CACNA2D3: variants seen among roughly 807,000 people sequenced by gnomAD.
CACNA2D3 encodes calcium voltage-gated channel auxiliary subunit alpha2delta 3.
A neutral mutation model predicts 160.6 loss-of-function variants in CACNA2D3; 60 were observed. That is an observed-to-expected ratio of 0.37 (90% CI 0.30 to 0.46). The LOEUF is 0.46. CACNA2D3 is among the 20% of genes least tolerant of loss of function. The pLI is 1.00. For missense variants in CACNA2D3, 1,205 were observed against 1,365.0 expected, an observed-to-expected ratio of 0.88 and a Z score of 1.85; for synonymous variants, 558 against 492.9, an observed-to-expected ratio of 1.13 and a Z score of -1.75.
intron 2 of CACNA2D3, among the ~76,000 whole-genome samples, chr3:54,270,914 T>C (rs1463171163): frequency 6.6e-6 from 1 of 152,214 alleles, no homozygotes; most frequent in East Asian, 1.9e-4. Flanking sequence ...ATTTCCCTTT[T>C]TGTCACCCGT....
chr3:54,274,650 C>G (rs188636381), intron 2 of CACNA2D3, among the ~76,000 whole-genome samples: 4 of 152,338 alleles, frequency 2.6e-5, no homozygotes, highest in Admixed American at 1.3e-4. Flanking sequence ...GAGTCTGTAT[C>G]CAGCTTTACT....
intron 11 of CACNA2D3, among the ~76,000 whole-genome samples, chr3:54,681,139 CAGAGAGAGA>C (rs1430870901): frequency 1.4e-5 from 2 of 143,034 alleles, no homozygotes; most frequent in African/African-American, 2.5e-5. Flanking sequence ...GAGAGAGAGA[CAGAGAGAGA>C]AGAGAGAGAA....
At chr3:54,381,739 T>C (rs1699106284) in intron 3 of CACNA2D3, among the ~76,000 whole-genome samples, 1 of 152,240 alleles carries the variant, frequency 6.6e-6, no homozygotes, top group South Asian at 2.1e-4. Context: ...ATATCCCCGC[T>C]ATTCCCCTTG....
intron 11 of CACNA2D3, among the ~76,000 whole-genome samples, chr3:54,679,663 T>C (rs574747581): frequency 6.6e-6 from 1 of 152,366 alleles, no homozygotes; most frequent in Non-Finnish European, 1.5e-5. Context: ...GTTGCTGACA[T>C]AGGAAATAGA....
At chr3:54,982,704 AT>A (rs1702532234) in intron 29 of CACNA2D3, among the ~76,000 whole-genome samples, 2 of 150,650 alleles carry the variant, frequency 1.3e-5, no homozygotes, top group Non-Finnish European at 2.9e-5. Flanking sequence ...CTGGTTGCCC[AT>A]TTTTATGTTT....
At chr3:54,524,453 C>G (rs895466566) in intron 5 of CACNA2D3, among the ~76,000 whole-genome samples, 1 of 151,888 alleles carries the variant, frequency 6.6e-6, no homozygotes, top group Non-Finnish European at 1.5e-5. Context: ...CCCACGTGCA[C>G]GTGAGAAGAA....
intron 4 of CACNA2D3, among the ~76,000 whole-genome samples, chr3:54,393,466 C>A (rs1010191544): frequency 6.6e-6 from 1 of 152,192 alleles, no homozygotes; most frequent in Non-Finnish European, 1.5e-5. Context: ...GCTTTGTTGC[C>A]ACTGAACCAC....
At chr3:54,361,237 A>G (rs1698737692) in intron 3 of CACNA2D3, among the ~76,000 whole-genome samples, 2 of 151,448 alleles carry the variant, frequency 1.3e-5, no homozygotes, top group Admixed American at 6.6e-5. Context: ...TGGAGTGGGC[A>G]GGTTGGTGTG....
At chr3:54,603,572 C>T (rs771918959) in intron 9 of CACNA2D3, among the ~76,000 whole-genome samples, 2 of 152,200 alleles carry the variant, frequency 1.3e-5, no homozygotes, top group South Asian at 4.1e-4. Flanking sequence ...GAAGGCTGTT[C>T]GTTGTATGGT....
intron 2 of CACNA2D3, among the ~76,000 whole-genome samples, chr3:54,264,219 G>C (rs1332351621): frequency 6.6e-6 from 1 of 152,106 alleles, no homozygotes; most frequent in Non-Finnish European, 1.5e-5. Flanking sequence ...CAGCATTTTG[G>C]GAAACTGCTC....
chr3:54,729,601 G>A (rs187653197), intron 11 of CACNA2D3, among the ~76,000 whole-genome samples: 8 of 152,286 alleles, frequency 5.3e-5, no homozygotes, highest in East Asian at 1.9e-4. Flanking sequence ...TCCTCCATTC[G>A]AGTGTTATCA....
intron 2 of CACNA2D3, among the ~76,000 whole-genome samples, chr3:54,185,225 C>T (rs1437680692): frequency 6.6e-6 from 1 of 152,118 alleles, no homozygotes; most frequent in African/African-American, 2.4e-5. Flanking sequence ...TCTGCTTTGC[C>T]CTGACACATA....
intron 27 of CACNA2D3, among the ~76,000 whole-genome samples, chr3:54,925,510 G>A (rs9848491): frequency 1.3e-5 from 2 of 152,092 alleles, no homozygotes; most frequent in East Asian, 3.9e-4. Flanking sequence ...CAAATAGAAG[G>A]GTGAAAAAAA....
At chr3:54,585,266 A>G (rs1702740437) in intron 9 of CACNA2D3, among the ~76,000 whole-genome samples, 1 of 152,180 alleles carries the variant, frequency 6.6e-6, no homozygotes, top group Non-Finnish European at 1.5e-5. Context: ...ACCTAAATAG[A>G]AGGTTTCTAT....
At position 54,834,102 on chromosome 3, in the gene CACNA2D3, T is replaced by C. The variant is rs143886099; in HGVS notation, c.1399-3057T>C. Among the ~76,000 whole-genome samples the C allele has an allele frequency of 4.4e-3, 675 of 152,346 alleles. 2 individuals are homozygous for C. The highest frequency in any genetic ancestry group is 0.027 in the Middle Eastern group (8 of 294). ...GGAATTAGCTCCTGAGTGAAGTTGA[T>C]ACTATATTCTGGCTTAATATTTTGA... On this transcript the variant is annotated intron_variant, in intron 14 of 37. Transcript: ENST00000474759.
intron 2 of CACNA2D3, among the ~76,000 whole-genome samples, chr3:54,288,967 T>C (rs1420781608): frequency 2.0e-5 from 3 of 152,156 alleles, no homozygotes; most frequent in African/African-American, 7.2e-5. Context: ...AATATCATAC[T>C]GAATGGGCAA....
intron 35 of CACNA2D3, among the ~76,000 whole-genome samples, chr3:55,052,909 A>C (rs1704262360): frequency 1.3e-5 from 2 of 152,124 alleles, no homozygotes; most frequent in Non-Finnish European, 2.9e-5. Flanking sequence ...ATAGGACGTA[A>C]TTGGGTTTCA....
intron 11 of CACNA2D3, among the ~76,000 whole-genome samples, chr3:54,733,175 G>A (rs940332345): frequency 6.6e-6 from 1 of 152,152 alleles, no homozygotes; most frequent in Non-Finnish European, 1.5e-5. Flanking sequence ...ACTATCTCGG[G>A]ACTTTTGTTC....
At chr3:54,195,866 T>G (rs900409194) in intron 2 of CACNA2D3, among the ~76,000 whole-genome samples, 3 of 152,326 alleles carry the variant, frequency 2.0e-5, no homozygotes, top group African/African-American at 4.8e-5. Context: ...TGCTGGACAT[T>G]TATGCAAGTG....
Sources: allele counts gnomAD v4.1 joint callset (sites outside exome capture counted in the v4.1 genomes callset), GRCh38; gene constraint gnomAD v4.1.1; transcripts MANE v1.5; gene names NCBI Gene and HGNC (gene_info 2026-07-23, HGNC 2026-07-21).